Variants in TLL2 observed in about 807,000 individuals in gnomAD.
TLL2 encodes the protein tolloid like 2.
A neutral mutation model predicts 123.0 loss-of-function variants in TLL2; 106 were observed. The ratio of observed to expected loss-of-function variants is 0.86; its 90% confidence interval spans 0.74 to 1.01. The LOEUF (loss-of-function observed/expected upper bound fraction) is 1.01. Among genes scored for constraint, TLL2 ranks in the 50% least tolerant of loss-of-function variants. TLL2 has a pLI of 0.00. For missense variants in TLL2, 1,332 were observed against 1,336.7 expected (o/e 1.00, Z 0.06); for synonymous variants, 494 against 516.8 (o/e 0.96, Z 0.60).
intron 10 of TLL2, among the ~76,000 whole-genome samples, chr10:96,398,879 T>C (rs2134064399): frequency 6.8e-6 from 1 of 147,302 alleles, no homozygotes; most frequent in East Asian, 2.0e-4. Context: ...TTTTTTTTTT[T>C]TTTTTTTTTT....
At chr10:96,452,099 G>T (rs1846966379) in intron 2 of TLL2, among the ~76,000 whole-genome samples, 1 of 152,258 alleles carries the variant, frequency 6.6e-6, no homozygotes, top group African/African-American at 2.4e-5. Flanking sequence ...ATTCCTGCAG[G>T]CAGTGCCTGC....
chr10:96,458,239 C>G (rs1000218579), intron 2 of TLL2, among the ~76,000 whole-genome samples: 1 of 152,092 alleles, frequency 6.6e-6, no homozygotes, highest in Non-Finnish European at 1.5e-5. Flanking sequence ...GAAGGGAAAG[C>G]CTTCCTCTAC....
chr10:96,437,228 A>G (rs539443872), intron 3 of TLL2, among the ~76,000 whole-genome samples: 1 of 152,202 alleles, frequency 6.6e-6, no homozygotes, highest in African/African-American at 2.4e-5. Context: ...TTTTATTTAG[A>G]TAATTGTAGA....
intron 2 of TLL2, among the ~76,000 whole-genome samples, chr10:96,447,436 C>T (rs954432579): frequency 7.9e-5 from 12 of 152,156 alleles, no homozygotes; most frequent in African/African-American, 2.7e-4. Context: ...TGCAAGTGTC[C>T]GAGTGAGACA....
At chr10:96,472,884 C>G (rs1374390919) in intron 2 of TLL2, among the ~76,000 whole-genome samples, 2 of 152,208 alleles carry the variant, frequency 1.3e-5, no homozygotes, top group Non-Finnish European at 2.9e-5. Flanking sequence ...TTCTCTGATT[C>G]TGGACATTGG....
intron 2 of TLL2, among the ~76,000 whole-genome samples, chr10:96,450,334 C>A (rs1340656630): frequency 6.9e-6 from 1 of 145,544 alleles, no homozygotes; most frequent in Admixed American, 7.0e-5. Context: ...TGGCTCTCAA[C>A]TTTGGCTGCG....
intron 2 of TLL2, among the ~76,000 whole-genome samples, chr10:96,456,772 T>G (rs2134092118): frequency 6.6e-6 from 1 of 152,284 alleles, no homozygotes; most frequent in African/African-American, 2.4e-5. Flanking sequence ...CCAGGGTATG[T>G]GGGAGACACA....
At chr10:96,426,526 C>T (rs1032920588) in intron 5 of TLL2, among the ~76,000 whole-genome samples, 2 of 152,176 alleles carry the variant, frequency 1.3e-5, no homozygotes, top group Non-Finnish European at 2.9e-5. Context: ...ACCTGTGAAA[C>T]TCTGGGTCTG....
chr10:96,367,833 C>T lies in TLL2; in HGVS notation c.*255G>A, dbSNP rs3814221. 0.64 allele frequency: 261,706 copies of T among 411,566 alleles called. 86,748 individuals are homozygous for T. The highest frequency in any genetic ancestry group is 0.7 in the Non-Finnish European group (158,368 of 225,502). 25.5% of individuals were successfully genotyped at this position (411,566 alleles called of 1,614,324 possible). On this transcript the variant is annotated 3_prime_UTR_variant, in exon 21 of 21. Transcript: ENST00000357947. ...AGCCGGAATGGTCAGTGACTTCAATCCTAATCTTTAACACTTTAACAGTTC... is the reference window on the plus strand; with the variant it reads ...AGCCGGAATGGTCAGTGACTTCAATTCTAATCTTTAACACTTTAACAGTTC...
rs1340503992 is a variant in TLL2 at position 96,365,430 on chromosome 10, A to T, written c.*2658T>A. 6.6e-6 allele frequency: 1 copy of T among 152,254 alleles called. No homozygotes were observed. Among genetic ancestry groups the T allele is most frequent in the Non-Finnish European group, 1.5e-5 (1 of 68,044 alleles). 9.4% of individuals were successfully genotyped at this position (152,254 alleles called of 1,614,324 possible). On this transcript the variant is annotated 3_prime_UTR_variant, in exon 21 of 21. Transcript: ENST00000357947. The stretch of plus-strand genomic sequence containing the variant: ...TTTTGCTAGACCGGGTTACACCAGA[A>T]CGGAGCCAGGCTAAAAACCCAGACC...
intron 8 of TLL2, 105 bp downstream of exon 8, chr10:96,413,087 G>A: frequency 2.7e-6 from 4 of 1,497,270 alleles, no homozygotes; most frequent in East Asian, 2.3e-5. Context: ...AATTAAAGCT[G>A]CCAAGGAATA....
At chr10:96,495,613 C>T (rs1847464917) in intron 1 of TLL2, among the ~76,000 whole-genome samples, 1 of 152,046 alleles carries the variant, frequency 6.6e-6, no homozygotes, top group South Asian at 2.1e-4. Context: ...TGTTTATTCT[C>T]AGGACCATGA....
chr10:96,382,638 G>A lies in TLL2; in HGVS notation c.2194+1949C>T, dbSNP rs146301009. Reference sequence around the variant, plus strand: ...GAGAGCTCATTATTGCAGGAGTGGCGTCCTGACAAAGGATGAGTTTGACCC... The same window carrying A: ...GAGAGCTCATTATTGCAGGAGTGGCATCCTGACAAAGGATGAGTTTGACCC... On this transcript the variant is annotated intron_variant, in intron 16 of 20. Coordinates refer to ENST00000357947, the MANE Select transcript of TLL2 (RefSeq NM_012465.4). Among the ~76,000 whole-genome samples the A allele has an allele frequency of 4.9e-3, 748 of 152,324 alleles. 5 individuals carry two copies. The highest frequency in any genetic ancestry group is 9.2e-3 in the Non-Finnish European group (626 of 68,040).
intron 2 of TLL2, among the ~76,000 whole-genome samples, chr10:96,478,658 G>C (rs773910741): frequency 8.5e-5 from 13 of 152,200 alleles, no homozygotes; most frequent in Non-Finnish European, 1.9e-4. Flanking sequence ...ATGAAAAAGA[G>C]CAACACGGCA....
At chr10:96,449,895 G>A (rs960817751) in intron 2 of TLL2, among the ~76,000 whole-genome samples, 3 of 151,864 alleles carry the variant, frequency 2.0e-5, no homozygotes, top group Admixed American at 6.6e-5. Context: ...CTGAGTATCC[G>A]CCCCCCTGCT....
chr10:96,493,275 G>A (rs1289339787), intron 1 of TLL2, among the ~76,000 whole-genome samples: 1 of 152,178 alleles, frequency 6.6e-6, no homozygotes, highest in East Asian at 1.9e-4. Flanking sequence ...TTTGTAAGAT[G>A]GAAGCATGGA....
intron 1 of TLL2, among the ~76,000 whole-genome samples, chr10:96,484,156 T>C (rs982934836): frequency 1.3e-5 from 2 of 152,172 alleles, no homozygotes; most frequent in Admixed American, 1.3e-4. Context: ...CCATGATTTT[T>C]TTCTGGCTAA....
At chr10:96,510,204 C>T (rs904031863) in intron 1 of TLL2, among the ~76,000 whole-genome samples, 1 of 152,298 alleles carries the variant, frequency 6.6e-6, no homozygotes, top group East Asian at 1.9e-4. Flanking sequence ...TCCTCCCAAG[C>T]TTTGCTGTCA....
intron 19 of TLL2, chr10:96,373,307 A>C: frequency 9.4e-6 from 3 of 319,700 alleles, no homozygotes; most frequent in Non-Finnish European, 1.2e-5. Flanking sequence ...ATGCCCAGCT[A>C]ATTTTGTATT....
Sources: allele counts gnomAD v4.1 joint callset (sites outside exome capture counted in the v4.1 genomes callset), GRCh38; gene constraint gnomAD v4.1.1; transcripts MANE v1.5; gene names NCBI Gene and HGNC (gene_info 2026-07-23, HGNC 2026-07-21).